ZFYVE9: variants seen among roughly 807,000 people sequenced by gnomAD.
ZFYVE9 encodes zinc finger FYVE-type containing 9.
In ZFYVE9, 43 loss-of-function variants were observed where a neutral mutation model predicts 126.7. That is an observed-to-expected ratio of 0.34 (90% CI 0.27 to 0.44). ZFYVE9 has a LOEUF of 0.44. ZFYVE9 is among the 20% of genes least tolerant of loss of function. The probability of loss-of-function intolerance (pLI) is 1.00; values close to 1 mark genes in which losing one functional copy is unlikely to be tolerated. For missense variants in ZFYVE9, 1,476 were observed against 1,697.0 expected (o/e 0.87, Z 2.29); for synonymous variants, 521 against 597.4 (o/e 0.87, Z 1.87).
At chr1:52,325,616 C>T (rs1408360431) in intron 13 of ZFYVE9, among the ~76,000 whole-genome samples, 1 of 152,202 alleles carries the variant, frequency 6.6e-6, no homozygotes. Flanking sequence ...ATCGTGCTAA[C>T]CACATTAACT....
intron 14 of ZFYVE9, among the ~76,000 whole-genome samples, chr1:52,333,341 G>A (rs2762818): frequency 0.77 from 117,056 of 151,540 alleles, 49,463 homozygotes; most frequent in Non-Finnish European, 0.93. Flanking sequence ...GCCAGCTCTG[G>A]CATTTGAAGG....
At chr1:52,175,410 C>T (rs560963446) in intron 1 of ZFYVE9, among the ~76,000 whole-genome samples, 5 of 151,776 alleles carry the variant, frequency 3.3e-5, no homozygotes, top group Non-Finnish European at 5.9e-5. Flanking sequence ...GTGGGTAACC[C>T]GACCTTTCTC....
At chr1:52,298,347 T>C (rs939239088) in intron 12 of ZFYVE9, among the ~76,000 whole-genome samples, 77 of 152,196 alleles carry the variant, frequency 5.1e-4, no homozygotes, top group African/African-American at 1.8e-3. Flanking sequence ...GGGGGTCTAG[T>C]TTCATTCTTC....
chr1:52,198,129 T>TTG (rs1419750931), intron 1 of ZFYVE9, among the ~76,000 whole-genome samples: 4 of 134,342 alleles, frequency 3.0e-5, no homozygotes, highest in South Asian at 2.5e-4. Context: ...TGTTTGTTTT[T>TTG]TTTTTTTTTT....
chr1:52,242,180 C>T (rs1470838424), intron 4 of ZFYVE9, among the ~76,000 whole-genome samples: 3 of 151,892 alleles, frequency 2.0e-5, no homozygotes, highest in Non-Finnish European at 4.4e-5. Context: ...CACAGGCATG[C>T]GCCAACGGGC....
chr1:52,151,494 T>G (rs1644355916), intron 1 of ZFYVE9, among the ~76,000 whole-genome samples: 1 of 151,992 alleles, frequency 6.6e-6, no homozygotes, highest in African/African-American at 2.4e-5. Context: ...GTCCTGTGTC[T>G]ATGTGTGTGT....
chr1:52,258,063 T>G (rs1181127634), intron 4 of ZFYVE9, among the ~76,000 whole-genome samples: 1 of 152,196 alleles, frequency 6.6e-6, no homozygotes, highest in Non-Finnish European at 1.5e-5. Flanking sequence ...ACTTTACTTT[T>G]CAAGGAAGCA....
chr1:52,244,223 T>A (rs1009976065), intron 4 of ZFYVE9, among the ~76,000 whole-genome samples: 3 of 152,102 alleles, frequency 2.0e-5, no homozygotes, highest in Admixed American at 1.3e-4. Flanking sequence ...CAGAAAAAAA[T>A]TGTAGCAATT....
chr1:52,216,557 G>A (rs1645073801), intron 2 of ZFYVE9, 83 bp downstream of exon 2: 1 of 397,238 alleles, frequency 2.5e-6, no homozygotes, highest in East Asian at 3.6e-5. Flanking sequence ...ATGCATATAT[G>A]TTACTTGCAT....
intron 13 of ZFYVE9, among the ~76,000 whole-genome samples, chr1:52,314,785 T>C (rs1401161056): frequency 9.9e-5 from 15 of 151,558 alleles, no homozygotes; most frequent in Admixed American, 7.9e-4. Flanking sequence ...GCACTCCAAC[T>C]TGGACTACAG....
intron 2 of ZFYVE9, among the ~76,000 whole-genome samples, chr1:52,218,900 G>C (rs559106580): frequency 1.8e-4 from 27 of 152,194 alleles, no homozygotes; most frequent in African/African-American, 6.0e-4. Flanking sequence ...GGCCATAAAG[G>C]TGCTCTAAAG....
At chr1:52,292,202 G>A (rs1316871683) in intron 10 of ZFYVE9, among the ~76,000 whole-genome samples, 5 of 147,680 alleles carry the variant, frequency 3.4e-5, no homozygotes, top group African/African-American at 1.0e-4. Flanking sequence ...GGAATTGCTT[G>A]AACCTGGGAG....
intron 12 of ZFYVE9, among the ~76,000 whole-genome samples, chr1:52,298,804 A>ATT (rs1553133751): frequency 2.3e-5 from 3 of 131,394 alleles, no homozygotes; most frequent in Admixed American, 7.4e-5. Context: ...TCCTTTGTCA[A>ATT]TGTTTTTTTT....
chr1:52,196,898 G>A (rs748213718), intron 1 of ZFYVE9, among the ~76,000 whole-genome samples: 6 of 152,222 alleles, frequency 3.9e-5, no homozygotes, highest in Middle Eastern at 3.4e-3. Context: ...GGAGAGGTAG[G>A]CAAGTGTTAA....
chr1:52,266,897 G>T, intron 6 of ZFYVE9, 66 bp downstream of exon 6: 1 of 1,425,954 alleles, frequency 7.0e-7, no homozygotes, highest in South Asian at 1.6e-5. Context: ...GTGCTGATAT[G>T]ACTTTACAGC....
At chr1:52,149,318 C>G (rs1644333178) in intron 1 of ZFYVE9, among the ~76,000 whole-genome samples, 1 of 151,936 alleles carries the variant, frequency 6.6e-6, no homozygotes, top group Non-Finnish European at 1.5e-5. Context: ...GAACTATGTC[C>G]TAAAAAACCT....
intron 13 of ZFYVE9, among the ~76,000 whole-genome samples, chr1:52,314,817 GA>G (rs796669150): frequency 6.2e-5 from 9 of 145,680 alleles, no homozygotes; most frequent in African/African-American, 1.3e-4. Flanking sequence ...GTCTCAAAAA[GA>G]AAAAAAAAAG....
chr1:52,196,875 A>C (rs937097872), intron 1 of ZFYVE9, among the ~76,000 whole-genome samples: 6 of 152,304 alleles, frequency 3.9e-5, no homozygotes, highest in African/African-American at 1.4e-4. Context: ...AGAAAGTGAC[A>C]AAAGTATAAA....
intron 13 of ZFYVE9, among the ~76,000 whole-genome samples, chr1:52,317,876 C>T (rs1332337061): frequency 1.3e-5 from 2 of 152,084 alleles, no homozygotes; most frequent in African/African-American, 4.8e-5. Context: ...AAATAGATAA[C>T]CTAAATAGCC....
Sources: allele counts gnomAD v4.1 joint callset (sites outside exome capture counted in the v4.1 genomes callset), GRCh38; gene constraint gnomAD v4.1.1; transcripts MANE v1.5; gene names NCBI Gene and HGNC (gene_info 2026-07-23, HGNC 2026-07-21).